PLA2G4E: variants seen among roughly 807,000 people sequenced by gnomAD.
PLA2G4E encodes the protein phospholipase A2 group IVE.
In PLA2G4E, 84 loss-of-function variants were observed where a neutral mutation model predicts 109.1. The ratio of observed to expected loss-of-function variants is 0.77; its 90% CI spans 0.65 to 0.92. The LOEUF (loss-of-function observed/expected upper bound fraction) is 0.92. Among genes scored for constraint, PLA2G4E ranks in the 40% least tolerant of loss-of-function variants. PLA2G4E has a pLI of 0.00. For synonymous variants in PLA2G4E, 469 were observed against 436.1 expected, an observed-to-expected ratio of 1.08 and a Z score of -0.94; for missense variants, 1,057 against 1,076.6, an observed-to-expected ratio of 0.98 and a Z score of 0.25.
At chr15:42,043,265 T>C (rs1889348580) in intron 1 of PLA2G4E, among the ~76,000 whole-genome samples, 1 of 152,156 alleles carries the variant, frequency 6.6e-6, no homozygotes, top group Admixed American at 6.5e-5. Context: ...CCCACCTTTG[T>C]TGCCTAAGAG....
chr15:42,013,710 C>T, exon 2 of PLA2G4E: 1 of 1,550,670 alleles, frequency 6.4e-7, no homozygotes, highest in Non-Finnish European at 8.7e-7. Context: ...GGACATTTTT[C>T]ATCCGGATGA....
intron 2 of PLA2G4E, chr15:42,009,099 C>G (rs761818756): frequency 6.6e-6 from 1 of 152,144 alleles, no homozygotes; most frequent in Non-Finnish European, 1.5e-5. Context: ...CAGCCCTCCT[C>G]CTATTGAAGA....
At chr15:42,020,882 T>A (rs1476513393) in intron 1 of PLA2G4E, among the ~76,000 whole-genome samples, 53 bp downstream of exon 1, 1 of 151,840 alleles carries the variant, frequency 6.6e-6, no homozygotes. Context: ...TTCCTGGCCA[T>A]GCCTCCCTGG....
At chr15:42,006,339 C>T (rs1434223854) in intron 3 of PLA2G4E, 3 of 434,244 alleles carry the variant, frequency 6.9e-6, no homozygotes, top group Non-Finnish European at 1.2e-5. Context: ...CCTTCTTGGC[C>T]TTCTGTTCTC....
At chr15:42,030,329 A>G (rs1478125203) in intron 1 of PLA2G4E, among the ~76,000 whole-genome samples, 2 of 152,196 alleles carry the variant, frequency 1.3e-5, no homozygotes. Flanking sequence ...GAAGGCCTTC[A>G]TCAGCCATCA....
chr15:42,025,702 A>T (rs2068688352), intron 1 of PLA2G4E, among the ~76,000 whole-genome samples: 1 of 152,110 alleles, frequency 6.6e-6, no homozygotes, highest in Non-Finnish European at 1.5e-5. Flanking sequence ...TTGTAGTTAG[A>T]AGAGAAGTGA....
chr15:42,048,333 T>C (rs1050411060), intron 1 of PLA2G4E, among the ~76,000 whole-genome samples: 1 of 152,256 alleles, frequency 6.6e-6, no homozygotes, highest in Non-Finnish European at 1.5e-5. Flanking sequence ...TCTCAGAACA[T>C]GTCCCTGTTG....
Position 42,013,704 on chromosome 15 carries a change from AT to A in PLA2G4E, c.236del (p.Asn79MetfsTer8). The A allele has an allele frequency of 6.4e-7, 1 of 1,550,530 alleles. No individual in the cohort carries two copies. Among genetic ancestry groups the A allele is most frequent in the Non-Finnish European group, 8.7e-7 (1 of 1,146,940 alleles). On this transcript the variant is annotated frameshift_variant, in exon 2 of 20. Transcript: ENST00000399518. LOFTEE classifies it high-confidence loss of function. ...ACTCACGCATATCAGCCTGCCGGAC[AT>A]TTTTCATCCGGATGACCCTCACTGT...
chr15:42,007,792 G>T (rs1374029688), exon 3 of PLA2G4E: 1 of 1,612,176 alleles, frequency 6.2e-7, no homozygotes, highest in South Asian at 1.1e-5. Context: ...GGCAGTTGGA[G>T]ATGGTCCTTG....
intron 15 of PLA2G4E, among the ~76,000 whole-genome samples, chr15:41,989,206 T>C (rs2141025043): frequency 6.6e-6 from 1 of 152,260 alleles, no homozygotes; most frequent in Non-Finnish European, 1.5e-5. Flanking sequence ...GTTCCCAGTG[T>C]GGTGCTGAGC....
chr15:41,990,771 A>T (rs1217888625), intron 13 of PLA2G4E, among the ~76,000 whole-genome samples: 1 of 140,728 alleles, frequency 7.1e-6, no homozygotes, highest in South Asian at 2.3e-4. Context: ...TTTTAACAAA[A>T]GACTTAGGAC....
intron 1 of PLA2G4E, among the ~76,000 whole-genome samples, chr15:42,042,213 T>C (rs545942449): frequency 1.3e-5 from 2 of 152,340 alleles, no homozygotes; most frequent in South Asian, 2.1e-4. Context: ...TTCACTGATA[T>C]GTAGAAATGA....
In PLA2G4E at chr15:42,000,915, A is replaced by G. The variant is rs76582540; in HGVS notation, c.673+242T>C. ...CGTGGATAGAGGGAGCAGCACTGGG[A>G]CCCCAGACCTGAGATACTCCAAGGT... On this transcript the variant is annotated intron_variant, in intron 7 of 19. Coordinates refer to ENST00000399518, the Ensembl canonical transcript of PLA2G4E. Among the ~76,000 whole-genome samples the G allele has an allele frequency of 1.1e-4, 17 of 152,164 alleles. No homozygotes were observed. In the South Asian group the frequency reaches 3.5e-3, roughly 32 times the overall value.
chr15:42,016,255 T>C (rs959432883), intron 1 of PLA2G4E, among the ~76,000 whole-genome samples: 6 of 149,634 alleles, frequency 4.0e-5, no homozygotes, highest in Non-Finnish European at 8.9e-5. Context: ...TTTTTTTTTT[T>C]TTTTTTTTGA....
intron 18 of PLA2G4E, 73 bp from the exon 19 acceptor site, chr15:41,984,692 C>T (rs2068112845): frequency 2.2e-6 from 3 of 1,340,478 alleles, no homozygotes; most frequent in African/African-American, 2.9e-5. Context: ...AGTTCTTAGC[C>T]CCAGCTTCCT....
At chr15:41,987,840 G>A (rs2068168579) in intron 16 of PLA2G4E, among the ~76,000 whole-genome samples, 1 of 152,130 alleles carries the variant, frequency 6.6e-6, no homozygotes, top group African/African-American at 2.4e-5. Flanking sequence ...CTCATCCTCG[G>A]TTTGTGGTCC....
exon 19 of PLA2G4E, chr15:41,984,493 G>C: frequency 6.2e-7 from 1 of 1,613,984 alleles, no homozygotes; most frequent in South Asian, 1.1e-5. Flanking sequence ...GTCACGATGG[G>C]GGCATCGGGT....
chr15:42,021,814 G>A (rs896545426), intron 1 of PLA2G4E, among the ~76,000 whole-genome samples: 1 of 152,210 alleles, frequency 6.6e-6, no homozygotes, highest in Non-Finnish European at 1.5e-5. Flanking sequence ...CTGAGCTATT[G>A]CCTGGGGCCC....
In PLA2G4E at chr15:42,024,645, T is replaced by G. The variant is rs544259260; in HGVS notation, c.184-10888A>C. ...CCGCTTTCCAGGTGGTTCAGGGCCC[T>G]GTCCCTTCCTTCCCACCTCCTGCCA... On this transcript the variant is annotated intron_variant, in intron 1 of 19. Coordinates refer to ENST00000399518, the Ensembl canonical transcript of PLA2G4E. 4.6e-5 allele frequency among the ~76,000 whole-genome samples: 7 copies of G among 152,306 alleles called. No individual in the cohort carries two copies. In the East Asian group the frequency reaches 1.4e-3, roughly 29 times the overall value.
Sources: gnomAD v4.1 joint callset for allele counts (sites outside exome capture counted in the v4.1 genomes callset) on GRCh38, gnomAD v4.1.1 for gene constraint, MANE v1.5 for transcripts, NCBI Gene and HGNC (gene_info 2026-07-23, HGNC 2026-07-21) for gene names.